Variants in CCSER2 observed in about 807,000 individuals in gnomAD.
CCSER2 encodes coiled-coil serine rich protein 2.
In CCSER2, 46 loss-of-function variants were observed where a neutral mutation model predicts 92.3. The ratio of observed to expected loss-of-function variants is 0.50; its 90% CI spans 0.39 to 0.64. The LOEUF (loss-of-function observed/expected upper bound fraction) is 0.64, where lower values mean the gene tolerates loss of function less well. CCSER2 is among the 30% of genes least tolerant of loss of function. The pLI, the probability that CCSER2 is intolerant of heterozygous loss-of-function variation, is 0.00. For missense variants in CCSER2, 1,244 were observed against 1,238.9 expected, an observed-to-expected ratio of 1.00 and a Z score of -0.06; for synonymous variants, 433 against 431.4, an observed-to-expected ratio of 1.00 and a Z score of -0.04.
chr10:84,491,718 C>T (rs1340476641), intron 9 of CCSER2, among the ~76,000 whole-genome samples: 1 of 152,170 alleles, frequency 6.6e-6, no homozygotes, highest in Non-Finnish European at 1.5e-5. Flanking sequence ...CCTGCTTCCA[C>T]TCACACTCTG....
intron 9 of CCSER2, among the ~76,000 whole-genome samples, chr10:84,486,977 C>T (rs1278427018): frequency 5.9e-5 from 9 of 152,130 alleles, no homozygotes; most frequent in Non-Finnish European, 1.2e-4. Context: ...GCCAGTTTTC[C>T]CAGCACCATT....
In CCSER2 at chr10:84,444,497, T is replaced by C. The variant is rs1844786745; in HGVS notation, c.2064+5790T>C. 2.0e-5 allele frequency among the ~76,000 whole-genome samples: 3 copies of C among 152,164 alleles called. No individual in the cohort carries two copies. The South Asian group carries it at 6.2e-4, about 32-fold the overall frequency. On this transcript the variant is annotated intron_variant, in intron 6 of 9. Coordinates refer to ENST00000372088, the MANE Select transcript of CCSER2 (RefSeq NM_001284240.2). ...GTAATATTGGCTTCACCCTCATAGC[T>C]GGAAAGGGTGAGGCTCAGAAAACTA...
chr10:84,420,302 T>C (rs1392482888), intron 4 of CCSER2, among the ~76,000 whole-genome samples: 10 of 152,220 alleles, frequency 6.6e-5, no homozygotes, highest in Non-Finnish European at 1.3e-4. Flanking sequence ...AACAGTACTT[T>C]AGATTTTTCT....
chr10:84,461,994 G>T (rs1846128525), intron 6 of CCSER2, among the ~76,000 whole-genome samples: 1 of 152,316 alleles, frequency 6.6e-6, no homozygotes, highest in South Asian at 2.1e-4. Context: ...CTTGATTGTG[G>T]TTTTAATGCC....
At chr10:84,436,838 T>C (rs1210505569) in intron 5 of CCSER2, among the ~76,000 whole-genome samples, 1 of 152,130 alleles carries the variant, frequency 6.6e-6, no homozygotes, top group Non-Finnish European at 1.5e-5. Flanking sequence ...AAAAATAATC[T>C]TGTAAAAATC....
chr10:84,435,706 A>G (rs1024446462), intron 5 of CCSER2, among the ~76,000 whole-genome samples: 6 of 152,054 alleles, frequency 3.9e-5, no homozygotes, highest in African/African-American at 1.4e-4. Context: ...ACTCAGATGC[A>G]AAGGAAAAGA....
intron 6 of CCSER2, among the ~76,000 whole-genome samples, chr10:84,447,891 C>T (rs767896877): frequency 9.9e-5 from 15 of 152,228 alleles, no homozygotes; most frequent in Admixed American, 4.6e-4. Context: ...ACTGCAGCCT[C>T]GACCTCCTGG....
chr10:84,459,190 T>C (rs1052643161), intron 6 of CCSER2, among the ~76,000 whole-genome samples: 1 of 152,148 alleles, frequency 6.6e-6, no homozygotes, highest in Admixed American at 6.5e-5. Flanking sequence ...GTATTTTTAG[T>C]AGAGATGGAG....
intron 9 of CCSER2, among the ~76,000 whole-genome samples, chr10:84,503,676 C>T (rs1848891272): frequency 6.6e-6 from 1 of 152,174 alleles, no homozygotes; most frequent in African/African-American, 2.4e-5. Context: ...CTTACTGTGT[C>T]TAACTAAGCT....
intron 9 of CCSER2, among the ~76,000 whole-genome samples, chr10:84,482,820 A>G (rs760201878): frequency 6.6e-6 from 1 of 152,200 alleles, no homozygotes; most frequent in Non-Finnish European, 1.5e-5. Context: ...AATTGAGTAC[A>G]TGAATACACA....
chr10:84,395,974 C>A (rs1446009370), intron 3 of CCSER2, among the ~76,000 whole-genome samples: 2 of 152,052 alleles, frequency 1.3e-5, no homozygotes, highest in Admixed American at 6.6e-5. Flanking sequence ...ACAGAACTGA[C>A]AATTATATGT....
intron 6 of CCSER2, 111 bp from the exon 7 acceptor site, chr10:84,463,822 C>T (rs146412358): frequency 4.6e-6 from 3 of 656,454 alleles, no homozygotes; most frequent in East Asian, 2.8e-5. Context: ...CTTCACCATG[C>T]TAGCATTTGG....
At position 84,461,663 on chromosome 10, in the gene CCSER2, T is replaced by G. The variant is rs111972155; in HGVS notation, c.2065-2270T>G. 4.5e-3 allele frequency among the ~76,000 whole-genome samples: 678 copies of G among 149,026 alleles called. 5 individuals are homozygous for G. The highest frequency in any genetic ancestry group is 7.9e-3 in the Non-Finnish European group (532 of 67,116). On this transcript the variant is annotated intron_variant, in intron 6 of 9. Coordinates refer to ENST00000372088, the MANE Select transcript of CCSER2 (RefSeq NM_001284240.2). ...TTTGTTTCTACTTTTTATATTCTGT[T>G]TTTTTTTTTTCCCCCTGAGATTTTC...
At chr10:84,355,948 C>G (rs1845144325) in intron 1 of CCSER2, among the ~76,000 whole-genome samples, 1 of 151,890 alleles carries the variant, frequency 6.6e-6, no homozygotes, top group Non-Finnish European at 1.5e-5. Flanking sequence ...ACTAAAAATA[C>G]AAAAATTAGC....
chr10:84,339,617 A>T (rs1203578193), intron 1 of CCSER2, among the ~76,000 whole-genome samples: 1 of 152,056 alleles, frequency 6.6e-6, no homozygotes, highest in East Asian at 1.9e-4. Flanking sequence ...CTGGGATTAC[A>T]GGCATGCGCC....
chr10:84,441,569 C>T (rs1844537106), intron 6 of CCSER2, among the ~76,000 whole-genome samples: 1 of 151,922 alleles, frequency 6.6e-6, no homozygotes, highest in East Asian at 1.9e-4. Context: ...GGACTTTGTA[C>T]ATGGCCATGC....
Position 84,328,592 on chromosome 10 carries a change from G to A in CCSER2, c.-256G>A, listed in dbSNP as rs1205050292. The A allele has an allele frequency of 6.6e-6, 1 of 150,704 alleles. No homozygotes were observed. Among genetic ancestry groups the A allele is most frequent in the Non-Finnish European group, 1.5e-5 (1 of 67,558 alleles). 9.3% of individuals were successfully genotyped at this position (150,704 alleles called of 1,614,324 possible). A position where few individuals can be genotyped will look rare whatever the true frequency, so the allele number is the denominator to read the frequency against. ...CGGTGCGCCGGCCCTGGAGGGCGGA[G>A]TCCGGGCGGGCGCCGGCCGAGGGAG... On this transcript the variant is annotated 5_prime_UTR_variant, in exon 1 of 10. Transcript: ENST00000372088.
chr10:84,498,452 T>TC (rs962273995), intron 9 of CCSER2, among the ~76,000 whole-genome samples: 10 of 151,418 alleles, frequency 6.6e-5, no homozygotes, highest in South Asian at 2.1e-4. Flanking sequence ...CTTTTTTTTT[T>TC]CCCTTCATCA....
intron 9 of CCSER2, among the ~76,000 whole-genome samples, chr10:84,505,922 C>A (rs1456893550): frequency 6.6e-6 from 1 of 151,906 alleles, no homozygotes; most frequent in Non-Finnish European, 1.5e-5. Context: ...TATTCTTGTA[C>A]TCTGGATAAA....
Sources: gnomAD v4.1 joint callset for allele counts (sites outside exome capture counted in the v4.1 genomes callset) on GRCh38, gnomAD v4.1.1 for gene constraint, MANE v1.5 for transcripts, NCBI Gene and HGNC (gene_info 2026-07-23, HGNC 2026-07-21) for gene names.